Variants in SH3GL2 observed in about 807,000 individuals in gnomAD.
The protein encoded by SH3GL2 is endophilin-A1.
A neutral mutation model predicts 46.0 loss-of-function variants in SH3GL2; 24 were observed. The ratio of observed to expected loss-of-function variants is 0.52; its 90% CI spans 0.38 to 0.73. The LOEUF is 0.73. Among genes scored for constraint, SH3GL2 ranks in the 30% least tolerant of loss-of-function variants. The pLI is 0.00. For missense variants in SH3GL2, 413 were observed against 424.2 expected (o/e 0.97, Z 0.23); for synonymous variants, 196 against 147.1 (o/e 1.33, Z -2.40).
intron 7 of SH3GL2, among the ~76,000 whole-genome samples, chr9:17,792,836 C>G (rs1358239508): frequency 6.6e-6 from 1 of 152,194 alleles, no homozygotes; most frequent in Admixed American, 6.5e-5. Flanking sequence ...ACAGTGCTTA[C>G]TAAAATTTAT....
intron 1 of SH3GL2, among the ~76,000 whole-genome samples, chr9:17,597,778 A>G (rs1197683843): frequency 6.6e-6 from 1 of 152,176 alleles, no homozygotes; most frequent in Non-Finnish European, 1.5e-5. Flanking sequence ...TTGGATTTAA[A>G]AACTCTCTTT....
intron 1 of SH3GL2, among the ~76,000 whole-genome samples, chr9:17,637,808 A>C (rs889749281): frequency 6.6e-6 from 1 of 152,100 alleles, no homozygotes; most frequent in Non-Finnish European, 1.5e-5. Flanking sequence ...TTACTGATAA[A>C]CTCAGTCAGA....
At position 17,735,769 on chromosome 9, in the gene SH3GL2, A is replaced by G. The variant is rs535466442; in HGVS notation, c.46-11297A>G. 98 of 979,230 alleles carry G rather than the reference A, an allele frequency of 1.0e-4. 1 individual carries two copies. The highest frequency in any genetic ancestry group is 1.7e-4 in the African/African-American group (10 of 57,244). The allele number at this position is 979,230 out of a possible 1,614,324, so 60.7% of individuals were successfully genotyped here. A position where few individuals can be genotyped will look rare whatever the true frequency, so the allele number is the denominator to read the frequency against. On this transcript the variant is annotated intron_variant, in intron 1 of 8. Coordinates refer to ENST00000380607, the MANE Select transcript of SH3GL2 (RefSeq NM_003026.5). ...GAAGATAAAGCTGGCAGCTCTTTCCACACATGGAAAGCATAATAGGAAAGA... is the reference window on the plus strand; with the variant it reads ...GAAGATAAAGCTGGCAGCTCTTTCCGCACATGGAAAGCATAATAGGAAAGA...
intron 1 of SH3GL2, among the ~76,000 whole-genome samples, chr9:17,711,279 C>A (rs1399938462): frequency 6.6e-6 from 1 of 151,834 alleles, no homozygotes; most frequent in Non-Finnish European, 1.5e-5. Flanking sequence ...GTTTCCTTGA[C>A]TTTGATGGGA....
At chr9:17,657,550 A>C (rs1344807169) in intron 1 of SH3GL2, among the ~76,000 whole-genome samples, 1 of 152,194 alleles carries the variant, frequency 6.6e-6, no homozygotes, top group Non-Finnish European at 1.5e-5. Context: ...CTCTCTGTGA[A>C]TTAAGGAAAG....
chr9:17,669,925 A>G (rs917190231), intron 1 of SH3GL2, among the ~76,000 whole-genome samples: 1 of 152,308 alleles, frequency 6.6e-6, no homozygotes, highest in Admixed American at 6.5e-5. Context: ...TCTGCTGCAG[A>G]AAGGGGTCCC....
intron 1 of SH3GL2, among the ~76,000 whole-genome samples, chr9:17,651,730 T>G (rs67576915): frequency 0.37 from 56,560 of 152,038 alleles, 11,437 homozygotes; most frequent in South Asian, 0.54. Flanking sequence ...TTTTTTCCTT[T>G]TAGCACTTTA....
intron 1 of SH3GL2, among the ~76,000 whole-genome samples, chr9:17,633,699 A>G (rs942059656): frequency 1.1e-4 from 17 of 152,204 alleles, no homozygotes; most frequent in African/African-American, 3.9e-4. Context: ...CAGTCTTCTT[A>G]AACTTCTGGG....
chr9:17,687,271 A>T (rs1487832755), intron 1 of SH3GL2, among the ~76,000 whole-genome samples: 1 of 152,104 alleles, frequency 6.6e-6, no homozygotes, highest in African/African-American at 2.4e-5. Flanking sequence ...AAATCATTGG[A>T]TTAGCAGAAT....
intron 1 of SH3GL2, among the ~76,000 whole-genome samples, chr9:17,646,156 G>C (rs532608913): frequency 4.0e-5 from 6 of 151,336 alleles, no homozygotes; most frequent in African/African-American, 1.5e-4. Flanking sequence ...TCTTCTGCTT[G>C]ATCGATTTGG....
intron 2 of SH3GL2, among the ~76,000 whole-genome samples, chr9:17,758,837 G>A (rs1823085500): frequency 6.6e-6 from 1 of 152,124 alleles, no homozygotes; most frequent in Non-Finnish European, 1.5e-5. Flanking sequence ...TGGGCACAAA[G>A]TCGGTAAACA....
intron 1 of SH3GL2, among the ~76,000 whole-genome samples, chr9:17,629,391 G>A (rs112341029): frequency 2.6e-5 from 4 of 152,150 alleles, no homozygotes; most frequent in African/African-American, 9.7e-5. Context: ...TTTTTATAAT[G>A]AAGTCTCTGA....
chr9:17,646,785 G>A (rs1819829365), intron 1 of SH3GL2, among the ~76,000 whole-genome samples: 1 of 152,192 alleles, frequency 6.6e-6, no homozygotes, highest in African/African-American at 2.4e-5. Flanking sequence ...GCCAGCCAGA[G>A]CTCTCCTTTA....
At chr9:17,683,377 CCT>C (rs1432553084) in intron 1 of SH3GL2, among the ~76,000 whole-genome samples, 5 of 152,016 alleles carry the variant, frequency 3.3e-5, no homozygotes, top group African/African-American at 1.2e-4. Context: ...CTTCTCTAAC[CCT>C]GTTTCTCTTG....
intron 1 of SH3GL2, among the ~76,000 whole-genome samples, chr9:17,730,190 T>C (rs2118408922): frequency 6.6e-6 from 1 of 152,296 alleles, no homozygotes; most frequent in East Asian, 1.9e-4. Context: ...CCTTGTAAGT[T>C]GGATTCCTAG....
At position 17,678,898 on chromosome 9, in the gene SH3GL2, C is replaced by T. The variant is rs575119071; in HGVS notation, c.46-68168C>T. The stretch of plus-strand genomic sequence containing the variant: ...ATTTATTAAATAGGGAATCCTTTCC[C>T]CATTTCTTGTTTTTGTCAGATTTGT... On this transcript the variant is annotated intron_variant, in intron 1 of 8. Coordinates refer to ENST00000380607, the MANE Select transcript of SH3GL2 (RefSeq NM_003026.5). 9.9e-5 allele frequency among the ~76,000 whole-genome samples: 15 copies of T among 152,174 alleles called. 1 individual carries two copies. The South Asian group carries it at 2.9e-3, about 29-fold the overall frequency.
chr9:17,755,063 C>T (rs112483142), intron 2 of SH3GL2, among the ~76,000 whole-genome samples: 4,275 of 152,094 alleles, frequency 0.028, 193 homozygotes, highest in African/African-American at 0.095. Context: ...TGTCTTGTGC[C>T]GGTTTTCAGG....
At chr9:17,655,012 A>G (rs571631202) in intron 1 of SH3GL2, among the ~76,000 whole-genome samples, 1 of 152,320 alleles carries the variant, frequency 6.6e-6, no homozygotes, top group African/African-American at 2.4e-5. Context: ...TCATAGATCA[A>G]ATAGTTCTTT....
At chr9:17,774,204 C>G (rs757722148) in intron 3 of SH3GL2, among the ~76,000 whole-genome samples, 2 of 152,054 alleles carry the variant, frequency 1.3e-5, no homozygotes, top group Non-Finnish European at 2.9e-5. Flanking sequence ...TGTGGGAAAT[C>G]TTTAGAGATT....
Sources: allele counts gnomAD v4.1 joint callset (sites outside exome capture counted in the v4.1 genomes callset), GRCh38; gene constraint gnomAD v4.1.1; transcripts MANE v1.5; gene names NCBI Gene and HGNC (gene_info 2026-07-23, HGNC 2026-07-21).